MATK: variants seen among roughly 807,000 people sequenced by gnomAD.
MATK encodes the protein megakaryocyte-associated tyrosine kinase, also known as megakaryocyte-associated tyrosine-protein kinase.
MATK carries 41 observed loss-of-function variants against 59.8 expected under a neutral mutation model. That is an observed-to-expected ratio of 0.69 (90% CI 0.53 to 0.89). The LOEUF (loss-of-function observed/expected upper bound fraction) is 0.89. Ranked by LOEUF, MATK falls within the 40% of genes least tolerant of loss-of-function variation. MATK has a pLI of 0.00. For missense variants in MATK, 593 were observed against 719.6 expected, an observed-to-expected ratio of 0.82 and a Z score of 2.01; for synonymous variants, 308 against 306.1, an observed-to-expected ratio of 1.01 and a Z score of -0.06.
At chr19:3,798,890 C>T (rs1032626302) in intron 1 of MATK, among the ~76,000 whole-genome samples, 3 of 151,920 alleles carry the variant, frequency 2.0e-5, no homozygotes, top group Admixed American at 2.0e-4. Flanking sequence ...ACTGCAGCCT[C>T]AACCTCCAGG....
At chr19:3,787,872 A>C (rs568183367), upstream of MATK, among the ~76,000 whole-genome samples, 282 of 151,948 alleles carry the variant, frequency 1.9e-3, 2 homozygotes, top group Admixed American at 5.6e-3. Context: ...GTTACAAGAG[A>C]ATTACAGAAC....
chr19:3,788,576 G>A (rs1407677265), upstream of MATK, among the ~76,000 whole-genome samples: 2 of 139,954 alleles, frequency 1.4e-5, no homozygotes, highest in African/African-American at 2.7e-5. Flanking sequence ...CCAAGATCGC[G>A]CCACTGCACC....
At chr19:3,787,208 C>G (rs772757690), upstream of MATK, among the ~76,000 whole-genome samples, 1 of 152,160 alleles carries the variant, frequency 6.6e-6, no homozygotes, top group Admixed American at 6.5e-5. Context: ...TCATAGCTCA[C>G]TACAGCCTTG....
chr19:3,782,445 C>T (rs2037414460), intron 7 of MATK, among the ~76,000 whole-genome samples: 1 of 152,212 alleles, frequency 6.6e-6, no homozygotes, highest in Non-Finnish European at 1.5e-5. Context: ...GAGGCATTTG[C>T]TTTTGACCTT....
intron 1 of MATK, among the ~76,000 whole-genome samples, chr19:3,792,121 A>G (rs1328525642): frequency 1.3e-5 from 2 of 151,176 alleles, no homozygotes; most frequent in African/African-American, 4.9e-5. Context: ...AAAAAAAAAA[A>G]AGTGTAAAGT....
Position 3,794,510 on chromosome 19 carries a change from C to T in MATK, c.-57-5106G>A, listed in dbSNP as rs559272368. On this transcript the variant is annotated intron_variant, in intron 1 of 13. Coordinates refer to the MATK transcript ENST00000395045. ...CTCTACAAAAAATAAAATAAACTAG[C>T]TGGGTGTGGTGGTGTATGCCTGTAG... 3.3e-5 allele frequency among the ~76,000 whole-genome samples: 5 copies of T among 152,114 alleles called. No individual in the cohort carries two copies. In the East Asian group the frequency reaches 9.7e-4, roughly 29 times the overall value.
At chr19:3,788,895 T>C (rs957607466), upstream of MATK, among the ~76,000 whole-genome samples, 1 of 152,136 alleles carries the variant, frequency 6.6e-6, no homozygotes, top group Non-Finnish European at 1.5e-5. Flanking sequence ...TTTCACCATA[T>C]TGGTCAGCTG....
At chr19:3,778,736 T>G (rs572641246) in intron 12 of MATK, 141 bp from the exon 13 acceptor site, 1 of 989,390 alleles carries the variant, frequency 1.0e-6, no homozygotes, top group Non-Finnish European at 1.5e-6. Context: ...CCGCCCGCAG[T>G]TGAGTCTAGC....
upstream of MATK, among the ~76,000 whole-genome samples, chr19:3,787,096 A>C (rs1426307389): frequency 6.6e-6 from 1 of 152,162 alleles, no homozygotes; most frequent in African/African-American, 2.4e-5. Context: ...CAAAACGCCC[A>C]ATCTGCTTTC....
chr19:3,779,551 G>C lies in MATK; in HGVS notation c.909C>G (p.Val303=). ...GVILHQGLYI[V]MEHVSKGNLV... is the part of the protein sequence containing the mutation. ...GCCCCACCTTGCTCACGTGCTCCAT[G>C]ACAATGTACAGCCCCTGGTGCAGGA... The change falls in exon 10 of 14, where the codon GTC becomes GTG. Residue 303 remains valine, a synonymous_variant. Transcript: ENST00000310132. 6.2e-7 allele frequency: 1 copy of C among 1,611,836 alleles called. No individual in the cohort carries two copies.
intron 1 of MATK, chr19:3,785,703 C>T (rs1402056628): frequency 6.4e-6 from 1 of 156,512 alleles, no homozygotes; most frequent in Non-Finnish European, 1.4e-5. Context: ...CACGTGGAAA[C>T]AGGTGTGCGC....
intron 2 of MATK, 55 bp downstream of exon 2, chr19:3,785,009 C>A (rs2037460335): frequency 1.9e-6 from 3 of 1,580,438 alleles, no homozygotes; most frequent in Non-Finnish European, 1.7e-6. Context: ...CCAGAGGCAT[C>A]CTGGATGGGA....
At chr19:3,783,330 G>A (rs977872755) in intron 6 of MATK, 111 bp from the exon 7 acceptor site, 4 of 720,410 alleles carry the variant, frequency 5.6e-6, no homozygotes, top group Admixed American at 4.2e-5. Flanking sequence ...GGGAGGAGGA[G>A]AAAGGCTGGT....
Position 3,784,438 on chromosome 19 carries a change from G to T in MATK, c.146C>A (p.Pro49Gln). The change falls in exon 4 of 14, where the codon CCG becomes CAG. Residue 49 changes from proline to glutamine, a missense_variant. By Grantham distance (76) the Pro-to-Gln change is moderately conservative. Coordinates refer to ENST00000310132, the MANE Select transcript of MATK (RefSeq NM_139355.3). ...SARMPTRRWAPGTQCITKCEH... is the reference protein window; with the variant it reads ...SARMPTRRWAQGTQCITKCEH... ...GCATTTGGTGATACACTGGGTGCCC[G>T]GGGCCCAGCGCCTCTGCAGAGGGGG... 1 of 1,595,718 alleles carries T rather than the reference G, an allele frequency of 6.3e-7. No individual in the cohort carries two copies. The highest frequency in any genetic ancestry group is 2.3e-5 in the East Asian group (1 of 44,402).
intron 1 of MATK, among the ~76,000 whole-genome samples, chr19:3,799,880 C>T (rs2038179602): frequency 6.6e-6 from 1 of 151,684 alleles, no homozygotes; most frequent in Non-Finnish European, 1.5e-5. Flanking sequence ...CGGTGGCTCA[C>T]GCCTGTAATC....
At chr19:3,785,364 G>C (rs959311309) in intron 1 of MATK, 78 bp from the exon 2 acceptor site, 3 of 1,033,278 alleles carry the variant, frequency 2.9e-6, no homozygotes, top group Non-Finnish European at 4.1e-6. Context: ...CCGTGGGGTG[G>C]AGCTGGGGGC....
chr19:3,784,241 T>C lies in MATK; in HGVS notation c.247-2A>G. 1.2e-6 allele frequency: 2 copies of C among 1,609,500 alleles called. No homozygotes were observed. Among genetic ancestry groups the C allele is most frequent in the Non-Finnish European group, 1.7e-6 (2 of 1,176,780 alleles). ...CTTGACGCGGTACCAGCTCTTGTTC[T>C]GCCAGGGAGGAAGCACGGGGTTAGT... On this transcript the variant is annotated splice_acceptor_variant, in intron 4 of 13. Transcript: ENST00000310132. LOFTEE classifies it high-confidence loss of function.
chr19:3,799,713 C>T (rs898917395), intron 1 of MATK, among the ~76,000 whole-genome samples: 6 of 152,126 alleles, frequency 3.9e-5, no homozygotes, highest in African/African-American at 7.2e-5. Flanking sequence ...TGGTGGTGGG[C>T]GCCTGTGGTC....
At chr19:3,797,469 T>A (rs1195456268) in intron 1 of MATK, among the ~76,000 whole-genome samples, 1 of 151,354 alleles carries the variant, frequency 6.6e-6, no homozygotes, top group East Asian at 2.0e-4. Flanking sequence ...CTAATTTTTT[T>A]GATTTTTAGT....
Sources: allele counts gnomAD v4.1 joint callset (sites outside exome capture counted in the v4.1 genomes callset), GRCh38; gene constraint gnomAD v4.1.1; transcripts MANE v1.5; gene names NCBI Gene and HGNC (gene_info 2026-07-23, HGNC 2026-07-21).